Variants in KRR1 observed in about 807,000 individuals in gnomAD.
The protein encoded by KRR1 is KRR1 small subunit processome component, also known as KRR1 small subunit processome component homolog.
Under a neutral mutation model 50.0 loss-of-function variants are expected in KRR1, and 23 were observed. The ratio of observed to expected loss-of-function variants is 0.46; its 90% confidence interval spans 0.33 to 0.65. KRR1 has a LOEUF of 0.65. Among genes scored for constraint, KRR1 ranks in the 30% least tolerant of loss-of-function variants. The pLI is 0.02. For synonymous variants in KRR1, 133 were observed against 146.3 expected (o/e 0.91, Z 0.66); for missense variants, 419 against 442.4 (o/e 0.95, Z 0.47).
Position 75,506,606 on chromosome 12 carries a change from C to T in KRR1, c.397G>A (p.Val133Ile), listed in dbSNP as rs749084587. The change falls in exon 4 of 10, where the codon GTA (valine) becomes ATA (isoleucine). Residue 133 changes from valine (V) to isoleucine (I), a missense_variant. By Grantham distance (29) the Val-to-Ile change is conservative. Coordinates refer to ENST00000229214, the MANE Select transcript of KRR1 (RefSeq NM_007043.7). ...GCAACATCATCCTGAAGAATTCGTA[C>T]TGCCTTTTGCAAAAAAAAAAAAAAA... is the stretch of plus-strand genomic sequence containing the variant. ...LARSVSFEQA[V>I]RILQDDVACD... is the part of the protein sequence containing the mutation. 1 of 1,466,932 alleles carries T rather than the reference C, an allele frequency of 6.8e-7. No individual in the cohort carries two copies. 90.9% of individuals were successfully genotyped at this position (1,466,932 alleles called of 1,614,324 possible).
At position 75,498,843 on chromosome 12, in the gene KRR1, T is replaced by A; in HGVS notation, c.*966A>T. The A allele has an allele frequency of 6.2e-7, 1 of 1,612,760 alleles. No homozygotes were observed. The highest frequency in any genetic ancestry group is 1.1e-5 in the South Asian group (1 of 90,986). On this transcript the variant is annotated 3_prime_UTR_variant, in exon 10 of 10. Coordinates refer to ENST00000229214, the MANE Select transcript of KRR1 (RefSeq NM_007043.7). ...TCACAGGTTACTACTCTGTTGTATATCCAGGCTGGCCCATATATCCACGTA... is the reference window on the plus strand; with the variant it reads ...TCACAGGTTACTACTCTGTTGTATAACCAGGCTGGCCCATATATCCACGTA...
chr12:75,501,965 C>CAA lies in KRR1; in HGVS notation c.865_866dup (p.Leu289PhefsTer2), dbSNP rs764066340. On this transcript the variant is annotated frameshift_variant, in exon 8 of 10. Transcript: ENST00000229214. LOFTEE classifies it high-confidence loss of function. ...TCTGCCGCTTCTTCTGATTTGCCTTCAAAAAGTATTCACCACTAGCCAATT... is the reference window on the plus strand; with the variant it reads ...TCTGCCGCTTCTTCTGATTTGCCTTCAAAAAAAGTATTCACCACTAGCCAATT... 3 of 1,612,160 alleles carry CAA rather than the reference C, an allele frequency of 1.9e-6. No homozygotes were observed. In the African/African-American group the frequency reaches 4.0e-5, roughly 22 times the overall value.
At chr12:75,504,806 G>A (rs772516219) in intron 6 of KRR1, among the ~76,000 whole-genome samples, 3 of 151,964 alleles carry the variant, frequency 2.0e-5, no homozygotes, top group African/African-American at 7.2e-5. Context: ...AGGTTTTAAC[G>A]CAACATGAGA....
In KRR1 at chr12:75,509,586, CT is replaced by C. The variant is rs895198427; in HGVS notation, c.86-1141del. ...GATTACTTATATACTATACACATTT[CT>C]TTTTTTTTTTTTTTTTTTAAAGACA... On this transcript the variant is annotated intron_variant, in intron 1 of 9. Transcript: ENST00000229214. Among the ~76,000 whole-genome samples, 1,054 of 131,206 alleles carry C rather than the reference CT, an allele frequency of 8.0e-3. 10 individuals carry two copies. The highest frequency in any genetic ancestry group is 0.049 in the South Asian group (198 of 4,052). The allele number at this position is 131,206 out of a possible 152,430, so 86.1% of individuals were successfully genotyped here.
chr12:75,501,905 A>G lies in KRR1; in HGVS notation c.909+18T>C. 1.2e-6 allele frequency: 2 copies of G among 1,606,838 alleles called. No individual in the cohort carries two copies. The highest frequency in any genetic ancestry group is 1.7e-6 in the Non-Finnish European group (2 of 1,177,454). On this transcript the variant is annotated intron_variant, in intron 8 of 9. Coordinates refer to ENST00000229214, the MANE Select transcript of KRR1 (RefSeq NM_007043.7). ...ATGAACTTTGCTATTCATGTGAGCC[A>G]GACATAAAGTGCCGTACCTTTATTG...
chr12:75,506,613 T>C lies in KRR1; in HGVS notation c.394-4A>G. 7.1e-7 allele frequency: 1 copy of C among 1,415,386 alleles called. No individual in the cohort carries two copies. Among genetic ancestry groups the C allele is most frequent in the Non-Finnish European group, 9.1e-7 (1 of 1,094,720 alleles). The allele number at this position is 1,415,386 out of a possible 1,614,324, so 87.7% of individuals were successfully genotyped here. A position where few individuals can be genotyped will look rare whatever the true frequency, so the allele number is the denominator to read the frequency against. On this transcript the variant is annotated splice_region_variant and splice_polypyrimidine_tract_variant and intron_variant, in intron 3 of 9. Coordinates refer to ENST00000229214, the MANE Select transcript of KRR1 (RefSeq NM_007043.7). The stretch of plus-strand genomic sequence containing the variant: ...CATCCTGAAGAATTCGTACTGCCTT[T>C]TGCAAAAAAAAAAAAAAAAAGAAGA...
At chr12:75,509,982 A>G (rs1475774035) in intron 1 of KRR1, among the ~76,000 whole-genome samples, 1 of 152,060 alleles carries the variant, frequency 6.6e-6, no homozygotes, top group East Asian at 1.9e-4. Flanking sequence ...CAACCTCAGG[A>G]AAAAAACTGA....
chr12:75,508,225 A>G lies in KRR1; in HGVS notation c.258+49T>C, dbSNP rs371300117. On this transcript the variant is annotated intron_variant, in intron 2 of 9. Coordinates refer to ENST00000229214, the MANE Select transcript of KRR1 (RefSeq NM_007043.7). ...TTAGCATACATACATTTAAAGGCAT[A>G]AGCAAGAGCAAAGTCTCAAATAAAT... is the stretch of plus-strand genomic sequence containing the variant. 19 of 1,417,488 alleles carry G rather than the reference A, an allele frequency of 1.3e-5. No individual in the cohort carries two copies. The African/African-American group carries it at 2.5e-4, about 18-fold the overall frequency. The allele number at this position is 1,417,488 out of a possible 1,614,324, so 87.8% of individuals were successfully genotyped here.
chr12:75,492,728 T>C lies in KRR1; in HGVS notation c.*7081A>G, dbSNP rs761188757. 7.9e-5 allele frequency: 12 copies of C among 152,216 alleles called. No homozygotes were observed. Among genetic ancestry groups the C allele is most frequent in the Non-Finnish European group, 1.6e-4 (11 of 68,046 alleles). The allele number at this position is 152,216 out of a possible 1,614,324, so 9.4% of individuals were successfully genotyped here. On this transcript the variant is annotated 3_prime_UTR_variant, in exon 10 of 10. Transcript: ENST00000229214. ...AAGACTAACTTCAAATATTCATTTA[T>C]TCAACAAATATTTGTTTTACTGAGC...
chr12:75,506,616 C>CCAAAAAAA lies in KRR1; in HGVS notation c.394-8_394-7insTTTTTTTG, dbSNP rs1555241427. 4 of 1,372,798 alleles carry CCAAAAAAA rather than the reference C, an allele frequency of 2.9e-6. No homozygotes were observed. The highest frequency in any genetic ancestry group is 3.8e-6 in the Non-Finnish European group (4 of 1,055,404). 85.0% of individuals were successfully genotyped at this position (1,372,798 alleles called of 1,614,324 possible). On this transcript the variant is annotated splice_polypyrimidine_tract_variant and splice_region_variant and intron_variant, in intron 3 of 9. Coordinates refer to ENST00000229214, the MANE Select transcript of KRR1 (RefSeq NM_007043.7). Reference sequence around the variant, plus strand: ...CCTGAAGAATTCGTACTGCCTTTTGCAAAAAAAAAAAAAAAAAGAAGACAT... The same window carrying CCAAAAAAA: ...CCTGAAGAATTCGTACTGCCTTTTGCCAAAAAAAAAAAAAAAAAAAAAAAAGAAGACAT...
rs1160509304 is a variant in KRR1 at position 75,492,897 on chromosome 12, G to A, written c.*6912C>T. 6.6e-6 allele frequency: 1 copy of A among 152,158 alleles called. No individual in the cohort carries two copies. Among genetic ancestry groups the A allele is most frequent in the Non-Finnish European group, 1.5e-5 (1 of 68,026 alleles). 9.4% of individuals were successfully genotyped at this position (152,158 alleles called of 1,614,324 possible). ...AATACTGTAATAGAAACTATCAATA[G>A]GCAAGGCCCCTGTTTAGAATAATCA... is the stretch of plus-strand genomic sequence containing the variant. On this transcript the variant is annotated 3_prime_UTR_variant, in exon 10 of 10. Coordinates refer to ENST00000229214, the MANE Select transcript of KRR1 (RefSeq NM_007043.7).
At chr12:75,510,753 T>C (rs2046444268) in intron 1 of KRR1, among the ~76,000 whole-genome samples, 1 of 152,242 alleles carries the variant, frequency 6.6e-6, no homozygotes, top group African/African-American at 2.4e-5. Context: ...TTAAACTCTA[T>C]ATAAGTTGTA....
chr12:75,501,836 A>G lies in KRR1; in HGVS notation c.910-20T>C, dbSNP rs2046396340. 2.5e-6 allele frequency: 4 copies of G among 1,576,608 alleles called. No individual in the cohort carries two copies. In the African/African-American group the frequency reaches 5.4e-5, roughly 21 times the overall value. On this transcript the variant is annotated intron_variant, in intron 8 of 9. Transcript: ENST00000229214. The stretch of plus-strand genomic sequence containing the variant: ...TTTAGCCTACATTAATAAATAAAAA[A>G]TATATCAGTTAAATGTATTTATAGT...
intron 7 of KRR1, chr12:75,503,467 T>C (rs2046407740): frequency 6.6e-6 from 1 of 152,164 alleles, no homozygotes; most frequent in Non-Finnish European, 1.5e-5. Context: ...CTGGTCATGG[T>C]GGGAAAGGAA....
In KRR1 at chr12:75,508,323, G is replaced by A; in HGVS notation, c.209C>T (p.Ala70Val). The change falls in exon 2 of 10, where the codon GCT (alanine) becomes GTT (valine). Residue 70 changes from alanine to valine, a missense_variant. Ala to Val is a moderately conservative substitution (Grantham distance 64, BLOSUM62 0). Transcript: ENST00000229214. Reference sequence around the variant, plus strand: ...CAATGGCCAACACTCTTTCAAGTAAGCTTCCCTGTATTTTGGGAACAAAGT... The same window carrying A: ...CAATGGCCAACACTCTTTCAAGTAAACTTCCCTGTATTTTGGGAACAAAGT... ...FATLFPKYRE[A>V]YLKECWPLVQ... The A allele has an allele frequency of 6.2e-7, 1 of 1,613,428 alleles. No individual in the cohort carries two copies. Among genetic ancestry groups the A allele is most frequent in the Non-Finnish European group, 8.5e-7 (1 of 1,179,668 alleles).
chr12:75,506,456 C>T (rs893142772), intron 4 of KRR1, 28 bp downstream of exon 4: 6 of 1,604,618 alleles, frequency 3.7e-6, no homozygotes, highest in Admixed American at 3.5e-5. Flanking sequence ...AAGGAAGAGA[C>T]TCAAGTTTTC....
chr12:75,501,837 T>TA (rs2046396392), intron 8 of KRR1, 21 bp from the exon 9 acceptor site: 3 of 1,573,902 alleles, frequency 1.9e-6, no homozygotes, highest in Non-Finnish European at 2.6e-6. Context: ...AAATAAAAAA[T>TA]ATATCAGTTA....
At position 75,511,536 on chromosome 12, in the gene KRR1, T is replaced by G; in HGVS notation, c.62A>C (p.Gln21Pro). ...ACCTTGGTTCTCCGGCTTCGGCTTCTGGTTACGAAATTCACTTTTTCCAGC... is the reference window on the plus strand; with the variant it reads ...ACCTTGGTTCTCCGGCTTCGGCTTCGGGTTACGAAATTCACTTTTTCCAGC... ...KGAGKSEFRNQKPKPENQDES... is the reference protein window; with the variant it reads ...KGAGKSEFRNPKPKPENQDES... Residue 21 changes from glutamine (Q) to proline (P), a missense_variant, in exon 1 of 10, where the codon CAG becomes CCG. Coordinates refer to ENST00000229214, the MANE Select transcript of KRR1 (RefSeq NM_007043.7). 1.2e-6 allele frequency: 2 copies of G among 1,614,180 alleles called. No homozygotes were observed. Among genetic ancestry groups the G allele is most frequent in the South Asian group, 1.1e-5 (1 of 91,084 alleles).
rs1188576530 is a variant in KRR1 at position 75,498,683 on chromosome 12, T to A, written c.*1126A>T. On this transcript the variant is annotated 3_prime_UTR_variant, in exon 10 of 10. Transcript: ENST00000229214. Reference sequence around the variant, plus strand: ...TTTAATTTTTTTTCTTTCTTCCCCCTAACTTTACAGTTAACCGACAGCGAG... The same window carrying A: ...TTTAATTTTTTTTCTTTCTTCCCCCAAACTTTACAGTTAACCGACAGCGAG... The A allele has an allele frequency of 1.2e-6, 2 of 1,610,262 alleles. No individual in the cohort carries two copies.
Sources: allele counts gnomAD v4.1 joint callset (sites outside exome capture counted in the v4.1 genomes callset), GRCh38; gene constraint gnomAD v4.1.1; transcripts MANE v1.5; gene names NCBI Gene and HGNC (gene_info 2026-07-23, HGNC 2026-07-21).